Variants in PIP5K1C observed in about 807,000 individuals in gnomAD.
PIP5K1C encodes the protein phosphatidylinositol-4-phosphate 5-kinase type 1 gamma.
Under a neutral mutation model 80.1 loss-of-function variants are expected in PIP5K1C, and 45 were observed. That is an observed-to-expected ratio of 0.56 (90% CI 0.44 to 0.72). PIP5K1C has a LOEUF of 0.72. Among genes scored for constraint, PIP5K1C ranks in the 30% least tolerant of loss-of-function variants. PIP5K1C has a pLI of 0.00. For synonymous variants in PIP5K1C, 498 were observed against 420.1 expected, an observed-to-expected ratio of 1.19 and a Z score of -2.27; for missense variants, 753 against 954.6, an observed-to-expected ratio of 0.79 and a Z score of 2.78.
rs1293814708 is a variant in PIP5K1C at position 3,637,219 on chromosome 19, G to A, written c.1920+1665C>T. The stretch of plus-strand genomic sequence containing the variant: ...CCCTGACACGAGAGGGCTGGGTCCA[G>A]GGGCAGAGAGGGGCTCGCTGGGGTC... On this transcript the variant is annotated intron_variant, in intron 16 of 17. Transcript: ENST00000335312. The surrounding 1 kb of genome is among the most constrained non-coding windows in gnomAD (Gnocchi z 7.0). 2 of 1,438,542 alleles carry A rather than the reference G, an allele frequency of 1.4e-6. No homozygotes were observed. The highest frequency in any genetic ancestry group is 5.5e-5 in the Admixed American group (2 of 36,194). The allele number at this position is 1,438,542 out of a possible 1,614,324, so 89.1% of individuals were successfully genotyped here. A position where few individuals can be genotyped will look rare whatever the true frequency, so the allele number is the denominator to read the frequency against.
chr19:3,653,957 TA>T (rs1268364601), intron 6 of PIP5K1C, among the ~76,000 whole-genome samples: 1 of 152,192 alleles, frequency 6.6e-6, no homozygotes, highest in Non-Finnish European at 1.5e-5. Context: ...CTAAAATACA[TA>T]CATGTATGTA....
chr19:3,655,613 G>A (rs2034595991), intron 6 of PIP5K1C, among the ~76,000 whole-genome samples: 1 of 152,226 alleles, frequency 6.6e-6, no homozygotes, highest in South Asian at 2.1e-4. Flanking sequence ...ACAGCACACT[G>A]GCTCGCAGAG....
chr19:3,664,985 C>A, intron 2 of PIP5K1C, 71 bp from the exon 3 acceptor site: 1 of 1,276,836 alleles, frequency 7.8e-7, no homozygotes, highest in Non-Finnish European at 1.1e-6. Flanking sequence ...CGCTCTGAAA[C>A]CCTGGGAAGA....
chr19:3,644,265 TG>T lies in PIP5K1C; in HGVS notation c.1346-15del. 2 of 1,609,486 alleles carry T rather than the reference TG, an allele frequency of 1.2e-6. No individual in the cohort carries two copies. Among genetic ancestry groups the T allele is most frequent in the Non-Finnish European group, 8.5e-7 (1 of 1,178,436 alleles). On this transcript the variant is annotated splice_polypyrimidine_tract_variant and intron_variant, in intron 11 of 17. Transcript: ENST00000335312. Reference sequence around the variant, plus strand: ...AGGACTTCAGGGCTGCAGGGAAGGGTGGGGGTTGGTGCTTGGGGTTGCTGGG... The same window carrying T: ...AGGACTTCAGGGCTGCAGGGAAGGGTGGGGTTGGTGCTTGGGGTTGCTGGG...
At chr19:3,645,160 C>T (rs906338552) in intron 11 of PIP5K1C, among the ~76,000 whole-genome samples, 2 of 152,234 alleles carry the variant, frequency 1.3e-5, no homozygotes, top group Non-Finnish European at 2.9e-5. Flanking sequence ...CACTGGCGTG[C>T]CTGTCCCTGC....
intron 6 of PIP5K1C, 118 bp from the exon 7 acceptor site, chr19:3,653,707 C>T (rs1357242020): frequency 4.2e-6 from 4 of 945,808 alleles, no homozygotes; most frequent in Non-Finnish European, 6.2e-6. Context: ...CCCCCTCTCT[C>T]CCCAGAAGCC....
rs771680444 is a variant in PIP5K1C, at chr19:3,637,566, C to T, written c.1920+1318G>A. 6.5e-7 allele frequency: 1 copy of T among 1,529,600 alleles called. No homozygotes were observed. The highest frequency in any genetic ancestry group is 2.5e-5 in the East Asian group (1 of 40,494). The allele number at this position is 1,529,600 out of a possible 1,614,324, so 94.8% of individuals were successfully genotyped here. Reference sequence around the variant, plus strand: ...CCGAGGCGCTCAGCGTCACGGCCCGCAGTCGGCGATGGCGGGGAGAGTAAA... The same window carrying T: ...CCGAGGCGCTCAGCGTCACGGCCCGTAGTCGGCGATGGCGGGGAGAGTAAA... On this transcript the variant is annotated intron_variant, in intron 16 of 17. Transcript: ENST00000335312. The surrounding 1 kb of genome is among the most constrained non-coding windows in gnomAD (Gnocchi z 7.0).
intron 1 of PIP5K1C, among the ~76,000 whole-genome samples, chr19:3,695,898 A>C (rs1002776543): frequency 6.6e-6 from 1 of 151,650 alleles, no homozygotes; most frequent in African/African-American, 2.4e-5. Flanking sequence ...TACTTCTTTT[A>C]ATTTTTTTTT....
chr19:3,632,738 AG>A lies in PIP5K1C; in HGVS notation c.*428del. ...CAGGCCGATGGGGCCCCCGGGGCTC[AG>A]GTCCCCAGAGGCCACCGCGAACAGC... On this transcript the variant is annotated 3_prime_UTR_variant, in exon 18 of 18. Transcript: ENST00000335312. The A allele has an allele frequency of 5.8e-5, 10 of 173,448 alleles. No individual in the cohort carries two copies. Among genetic ancestry groups the A allele is most frequent in the South Asian group, 3.2e-4 (2 of 6,184 alleles). 10.7% of individuals were successfully genotyped at this position (173,448 alleles called of 1,614,324 possible). A position where few individuals can be genotyped will look rare whatever the true frequency, so the allele number is the denominator to read the frequency against.
intron 1 of PIP5K1C, among the ~76,000 whole-genome samples, chr19:3,671,959 G>A (rs544127245): frequency 6.6e-6 from 1 of 152,344 alleles, no homozygotes; most frequent in Non-Finnish European, 1.5e-5. Context: ...GGCGAGCCGC[G>A]CTGCGGAGCC....
At chr19:3,660,891 T>G in intron 5 of PIP5K1C, 75 bp downstream of exon 5, 3 of 1,239,348 alleles carry the variant, frequency 2.4e-6, no homozygotes, top group Non-Finnish European at 3.6e-6. Context: ...CCCAAATGCC[T>G]GACCCACAGA....
chr19:3,652,278 G>A (rs2034480704), intron 7 of PIP5K1C, among the ~76,000 whole-genome samples: 1 of 152,246 alleles, frequency 6.6e-6, no homozygotes, highest in Non-Finnish European at 1.5e-5. Flanking sequence ...GCTGCCCCGG[G>A]CACTGAGACA....
chr19:3,644,776 G>A (rs970628057), intron 11 of PIP5K1C, among the ~76,000 whole-genome samples: 3 of 152,206 alleles, frequency 2.0e-5, no homozygotes, highest in African/African-American at 7.2e-5. Flanking sequence ...GGTGAGGTGG[G>A]GCAGGTGATG....
At chr19:3,645,045 G>C (rs1260537330) in intron 11 of PIP5K1C, among the ~76,000 whole-genome samples, 4 of 152,252 alleles carry the variant, frequency 2.6e-5, no homozygotes, top group Non-Finnish European at 4.4e-5. Flanking sequence ...ATCCTGACAC[G>C]TGGTGTCTGC....
chr19:3,648,756 C>T lies in PIP5K1C; in HGVS notation c.1128-48G>A, dbSNP rs765698984. The T allele has an allele frequency of 1.3e-6, 2 of 1,545,318 alleles. No individual in the cohort carries two copies. Among genetic ancestry groups the T allele is most frequent in the South Asian group, 2.2e-5 (2 of 89,632 alleles). On this transcript the variant is annotated intron_variant, in intron 8 of 17. Transcript: ENST00000335312. The surrounding 1 kb of genome is among the most constrained non-coding windows in gnomAD (Gnocchi z 4.3). ...CCATCAGCATCCCGCAGAGCTGGGA[C>T]TCGGGGCAGGCGGGGCTGGGGACTC... is the stretch of plus-strand genomic sequence containing the variant.
rs919848366 is a variant in PIP5K1C at position 3,686,675 on chromosome 19, A to G, written c.94+13622T>C. 2.7e-5 allele frequency among the ~76,000 whole-genome samples: 4 copies of G among 150,872 alleles called. No individual in the cohort carries two copies. The South Asian group carries it at 8.4e-4, about 32-fold the overall frequency. On this transcript the variant is annotated intron_variant, in intron 1 of 17. Coordinates refer to ENST00000335312, the MANE Select transcript of PIP5K1C (RefSeq NM_012398.3). ...GGAGCTTGTGGTGAACCGAGATCGC[A>G]CCATTGCACTCCAGCCTGGGCAACA...
At position 3,632,667 on chromosome 19, in the gene PIP5K1C, A is replaced by G. The variant is rs2033502598; in HGVS notation, c.*500T>C. On this transcript the variant is annotated 3_prime_UTR_variant, in exon 18 of 18. Transcript: ENST00000335312. ...CTGAGGGCAGGAGGGTCCGCTTCCC[A>G]CGTGGATGGAGGCAGAGTTGCTCGG... 6.3e-6 allele frequency: 1 copy of G among 157,772 alleles called. No individual in the cohort carries two copies. The highest frequency in any genetic ancestry group is 6.4e-5 in the Admixed American group (1 of 15,644). The allele number at this position is 157,772 out of a possible 1,614,324, so 9.8% of individuals were successfully genotyped here. A position where few individuals can be genotyped will look rare whatever the true frequency, so the allele number is the denominator to read the frequency against.
At position 3,651,858 on chromosome 19, in the gene PIP5K1C, G is replaced by A. The variant is rs150440061; in HGVS notation, c.1095C>T (p.Ala365=). Residue 365 remains alanine (A), a synonymous_variant, in exon 8 of 18, where the codon GCC becomes GCT. Transcript: ENST00000335312. ...CCGATTCGATGGCCTCCCCGCGCGC[G>A]GCGCCACCCTGGATGGACTCCATGG... ...STAMESIQGG[A]ARGEAIESDD... The A allele has an allele frequency of 5.6e-5, 91 of 1,612,424 alleles. No individual in the cohort carries two copies. In the African/African-American group the frequency reaches 5.7e-4, roughly 10 times the overall value.
At chr19:3,640,061 C>T (rs1306585881) in intron 15 of PIP5K1C, among the ~76,000 whole-genome samples, 1 of 152,190 alleles carries the variant, frequency 6.6e-6, no homozygotes, top group African/African-American at 2.4e-5. Context: ...GATAAACCCC[C>T]AGGGCTTTAG....
Sources: allele counts gnomAD v4.1 joint callset (sites outside exome capture counted in the v4.1 genomes callset), GRCh38; gene constraint gnomAD v4.1.1; non-coding constraint Gnocchi (gnomAD v3.1); transcripts MANE v1.5; gene names NCBI Gene and HGNC (gene_info 2026-07-23, HGNC 2026-07-21).